Variants in PSME4 observed in about 807,000 individuals in gnomAD.
PSME4 encodes proteasome activator subunit 4.
In PSME4, 89 loss-of-function variants were observed where a neutral mutation model predicts 253.9. The ratio of observed to expected loss-of-function variants is 0.35; its 90% CI spans 0.30 to 0.42. PSME4 has a LOEUF of 0.42. Ranked by LOEUF, PSME4 falls within the 10% of genes least tolerant of loss-of-function variation. The pLI is 1.00. For missense variants in PSME4, 2,014 were observed against 2,195.2 expected, an observed-to-expected ratio of 0.92 and a Z score of 1.65; for synonymous variants, 851 against 759.2, an observed-to-expected ratio of 1.12 and a Z score of -1.99.
chr2:53,917,695 A>C (rs17268123), intron 20 of PSME4, among the ~76,000 whole-genome samples: 5,021 of 152,328 alleles, frequency 0.033, 105 homozygotes, highest in Non-Finnish European at 0.047. Flanking sequence ...GCTGATGTGC[A>C]AAGTTTGTTA....
At chr2:53,891,840 C>T (rs1358245361) in intron 36 of PSME4, among the ~76,000 whole-genome samples, 3 of 134,552 alleles carry the variant, frequency 2.2e-5, no homozygotes, top group Non-Finnish European at 3.1e-5. Context: ...GGCGATAGGG[C>T]GATAGAGTAA....
At chr2:53,951,323 C>T (rs1049820251) in intron 1 of PSME4, among the ~76,000 whole-genome samples, 2 of 152,164 alleles carry the variant, frequency 1.3e-5, no homozygotes, top group African/African-American at 2.4e-5. Context: ...CCTTGAGATC[C>T]CCCCTGCCTT....
intron 14 of PSME4, among the ~76,000 whole-genome samples, chr2:53,924,133 A>G (rs556543738): frequency 6.6e-6 from 1 of 152,260 alleles, no homozygotes; most frequent in Non-Finnish European, 1.5e-5. Context: ...AAAGAACTGA[A>G]GCAGTCTGTT....
intron 35 of PSME4, among the ~76,000 whole-genome samples, chr2:53,893,222 G>A (rs544132955): frequency 3.8e-5 from 5 of 129,886 alleles, no homozygotes; most frequent in African/African-American, 9.3e-5. Context: ...CATAAAAAAC[G>A]CATGCAGTTT....
chr2:53,966,760 G>C (rs111773079), intron 1 of PSME4, among the ~76,000 whole-genome samples: 1 of 152,014 alleles, frequency 6.6e-6, no homozygotes. Flanking sequence ...CGAGGCTGGA[G>C]TGGCGCTTGG....
At chr2:53,950,111 CAACA>C (rs1455620211) in intron 1 of PSME4, among the ~76,000 whole-genome samples, 2 of 151,986 alleles carry the variant, frequency 1.3e-5, no homozygotes, top group South Asian at 4.1e-4. Context: ...CCAGTCTCTA[CAACA>C]AATACAAAAT....
chr2:53,870,293 C>T (rs1337853731), intron 43 of PSME4: 1 of 151,856 alleles, frequency 6.6e-6, no homozygotes, highest in Non-Finnish European at 1.5e-5. Context: ...ATTACACTAG[C>T]ATATGAAATA....
Position 53,887,967 on chromosome 2 carries a change from C to T in PSME4, c.4411G>A (p.Gly1471Ser), listed in dbSNP as rs1679717497. 1 of 1,612,514 alleles carries T rather than the reference C, an allele frequency of 6.2e-7. No individual in the cohort carries two copies. Among genetic ancestry groups the T allele is most frequent in the East Asian group, 2.2e-5 (1 of 44,808 alleles). Residue 1471 changes from glycine to serine, a missense_variant, in exon 39 of 47, where the codon GGC becomes AGC. Gly to Ser is a moderately conservative substitution (Grantham distance 56, BLOSUM62 0). Transcript: ENST00000404125. ...DACRLYVLQG[G>S]LAQQEWRVPE... is the part of the protein sequence containing the mutation. ...ACTCTCCATTCTTGCTGGGCAAGGC[C>T]ACCTTGTAGTACATAAAGTCGACTA...
intron 5 of PSME4, among the ~76,000 whole-genome samples, chr2:53,937,030 T>C (rs1285904987): frequency 6.6e-6 from 1 of 152,204 alleles, no homozygotes; most frequent in Admixed American, 6.5e-5. Flanking sequence ...AGAAATATGA[T>C]CTCACAGATT....
Position 53,934,713 on chromosome 2 carries a change from A to G in PSME4, c.849T>C (p.Ile283=). 6.3e-7 allele frequency: 1 copy of G among 1,588,280 alleles called. No individual in the cohort carries two copies. The highest frequency in any genetic ancestry group is 1.3e-5 in the African/African-American group (1 of 74,384). ...DPYVPKIFTR[I]LRSLNLPVGS... is the part of the protein sequence containing the mutation. The stretch of plus-strand genomic sequence containing the variant: ...CCACTGGGAGGTTCAAGCTTCTCAG[A>G]ATTCTTGTAAATATCTTTTAAAAGA... The change falls in exon 8 of 47, where the codon ATT becomes ATC. Residue 283 remains isoleucine (I), a synonymous_variant. Transcript: ENST00000404125.
intron 41 of PSME4, among the ~76,000 whole-genome samples, chr2:53,880,726 C>T (rs1297356724): frequency 6.6e-6 from 1 of 152,134 alleles, no homozygotes; most frequent in African/African-American, 2.4e-5. Flanking sequence ...AGCAGAGACA[C>T]ATTCATAGTC....
intron 3 of PSME4, chr2:53,942,307 T>A (rs763414768): frequency 6.6e-6 from 1 of 152,480 alleles, no homozygotes. Flanking sequence ...GAATAATCAC[T>A]AAATACTTTC....
chr2:53,892,746 G>T, intron 36 of PSME4, 62 bp downstream of exon 36: 1 of 1,496,166 alleles, frequency 6.7e-7, no homozygotes, highest in Non-Finnish European at 9.0e-7. Flanking sequence ...GTTGGGAATT[G>T]CCACCAAAAT....
intron 1 of PSME4, among the ~76,000 whole-genome samples, chr2:53,958,812 C>A (rs1322424495): frequency 1.3e-4 from 19 of 143,132 alleles, no homozygotes; most frequent in South Asian, 4.4e-4. Flanking sequence ...CTACTGAATA[C>A]ATATTTAAAA....
chr2:53,968,649 C>T (rs1482038426), intron 1 of PSME4, among the ~76,000 whole-genome samples: 1 of 152,176 alleles, frequency 6.6e-6, no homozygotes, highest in Non-Finnish European at 1.5e-5. Flanking sequence ...AACCACTATT[C>T]CAAAATAAAA....
chr2:53,885,898 T>C (rs576504344), intron 40 of PSME4, 123 bp from the exon 41 acceptor site: 20 of 583,490 alleles, frequency 3.4e-5, no homozygotes, highest in South Asian at 1.0e-4. Flanking sequence ...CTATGAAAGA[T>C]ATCATCTATG....
At chr2:53,928,364 C>T (rs760867511) in intron 10 of PSME4, 61 bp from the exon 11 acceptor site, 69 of 1,268,130 alleles carry the variant, frequency 5.4e-5, no homozygotes, top group Non-Finnish European at 6.3e-5. Flanking sequence ...TACCATAATA[C>T]ATTAAATATA....
At chr2:53,955,166 G>A (rs561424068) in intron 1 of PSME4, among the ~76,000 whole-genome samples, 17 of 152,062 alleles carry the variant, frequency 1.1e-4, no homozygotes, top group Non-Finnish European at 2.4e-4. Flanking sequence ...GCAAGACCCT[G>A]ACTCTCCAAA....
At chr2:53,922,754 G>GA (rs1449928713) in intron 16 of PSME4, among the ~76,000 whole-genome samples, 170 bp from the exon 17 acceptor site, 59 of 152,272 alleles carry the variant, frequency 3.9e-4, no homozygotes, top group Middle Eastern at 3.4e-3. Flanking sequence ...GGTAGAAACA[G>GA]AATTTTCAAG....
Sources: allele counts gnomAD v4.1 joint callset (sites outside exome capture counted in the v4.1 genomes callset), GRCh38; gene constraint gnomAD v4.1.1; transcripts MANE v1.5; gene names NCBI Gene and HGNC (gene_info 2026-07-23, HGNC 2026-07-21).